The following PROSER3 variants were observed in gnomAD, a reference collection of about 807,000 sequenced individuals.
PROSER3 encodes proline and serine rich 3.
In PROSER3, 33 loss-of-function variants were observed where a neutral mutation model predicts 50.2. The ratio of observed to expected loss-of-function variants is 0.66; its 90% confidence interval spans 0.50 to 0.88. The LOEUF is 0.88. PROSER3 is among the 40% of genes least tolerant of loss of function. The probability of loss-of-function intolerance (pLI) is 0.00; values close to 1 mark genes in which losing one functional copy is unlikely to be tolerated. For missense variants in PROSER3, 623 were observed against 612.7 expected (o/e 1.02, Z -0.18); for synonymous variants, 266 against 259.3 (o/e 1.03, Z -0.25).
At chr19:35,760,497 GTTTTTT>G (rs889206758) in intron 3 of PROSER3, among the ~76,000 whole-genome samples, 2 of 152,028 alleles carry the variant, frequency 1.3e-5, no homozygotes, top group African/African-American at 4.8e-5. Context: ...TTTTGTTTTT[GTTTTTT>G]TGATGGAGTT....
At chr19:35,758,218 G>T (rs1784819724) in exon 1 of PROSER3, 1 of 1,562,256 alleles carries the variant, frequency 6.4e-7, no homozygotes, top group Non-Finnish European at 8.7e-7. Context: ...GCCGCGGGAT[G>T]GACCGCAGGT....
At chr19:35,763,652 T>C (rs1971038096) in intron 5 of PROSER3, among the ~76,000 whole-genome samples, 1 of 151,390 alleles carries the variant, frequency 6.6e-6, no homozygotes, top group Non-Finnish European at 1.5e-5. Flanking sequence ...TACAGGTGCC[T>C]GCCACCACGC....
rs1231786718 is a variant in PROSER3, at chr19:35,764,976, C to G, written c.626+40C>G. 1.9e-6 allele frequency: 3 copies of G among 1,612,706 alleles called. No homozygotes were observed. The Admixed American group carries it at 5.0e-5, about 27-fold the overall frequency. On this transcript the variant is annotated intron_variant, in intron 6 of 10. Coordinates refer to ENST00000396908, the Ensembl canonical transcript of PROSER3. ...GCCCCCATCACCCTTCCTACTGCGGCTCCACGTGGCCCAGGTCTCGAGACC... is the reference window on the plus strand; with the variant it reads ...GCCCCCATCACCCTTCCTACTGCGGGTCCACGTGGCCCAGGTCTCGAGACC...
intron 3 of PROSER3, among the ~76,000 whole-genome samples, chr19:35,760,740 G>C (rs2146565160): frequency 6.6e-6 from 1 of 152,314 alleles, no homozygotes; most frequent in South Asian, 2.1e-4. Context: ...ACCTGCCTCA[G>C]CCTCCCAAAG....
exon 11 of PROSER3, chr19:35,768,647 A>G (rs371618632): frequency 2.2e-5 from 31 of 1,413,644 alleles, no homozygotes; most frequent in African/African-American, 1.5e-4. Flanking sequence ...CCAAGGGGTC[A>G]TGCCAATTTA....
exon 7 of PROSER3, chr19:35,765,075 A>G: frequency 2.5e-6 from 4 of 1,613,832 alleles, no homozygotes; most frequent in Non-Finnish European, 3.4e-6. Flanking sequence ...AGCCCCAGCG[A>G]TGCCAGCACT....
intron 3 of PROSER3, among the ~76,000 whole-genome samples, chr19:35,760,772 C>T (rs986309422): frequency 6.6e-6 from 1 of 152,182 alleles, no homozygotes; most frequent in African/African-American, 2.4e-5. Context: ...CAGGTGTGAG[C>T]CACTGCCAGG....
chr19:35,759,292 T>C, intron 1 of PROSER3, 82 bp from the exon 2 acceptor site: 1 of 1,054,548 alleles, frequency 9.5e-7, no homozygotes, highest in Admixed American at 2.3e-5. Context: ...GGGAATTGTC[T>C]GGTTCTGCCC....
chr19:35,768,075 G>C lies in PROSER3; in HGVS notation c.1219+10G>C. ...CTGCAGGCTGCAGAAGGTGATGCCC[G>C]CGCCCTCCTGGATGTTGGAGGCAGG... On this transcript the variant is annotated intron_variant, in intron 9 of 10. Coordinates refer to ENST00000396908, the Ensembl canonical transcript of PROSER3. The C allele has an allele frequency of 1.3e-6, 2 of 1,584,806 alleles. No homozygotes were observed. The highest frequency in any genetic ancestry group is 2.3e-5 in the East Asian group (1 of 43,186).
chr19:35,765,012 C>T, intron 6 of PROSER3, 22 bp from the exon 7 acceptor site: 1 of 1,613,000 alleles, frequency 6.2e-7, no homozygotes, highest in Non-Finnish European at 8.5e-7. Flanking sequence ...TCCATTGCCT[C>T]ACTCCTGCCT....
At chr19:35,762,201 G>T in intron 4 of PROSER3, 52 bp from the exon 5 acceptor site, 2 of 1,593,484 alleles carry the variant, frequency 1.3e-6, no homozygotes, top group Non-Finnish European at 8.6e-7. Flanking sequence ...GCTGATCAAT[G>T]CCCCCAGCAG....
intron 3 of PROSER3, among the ~76,000 whole-genome samples, chr19:35,760,661 A>AT (rs1201946090): frequency 6.6e-6 from 1 of 151,882 alleles, no homozygotes; most frequent in East Asian, 1.9e-4. Context: ...AATTTTGTGT[A>AT]TTTTTAGTAG....
intron 7 of PROSER3, among the ~76,000 whole-genome samples, chr19:35,765,540 A>G (rs950215085): frequency 4.6e-5 from 7 of 150,628 alleles, no homozygotes; most frequent in African/African-American, 1.7e-4. Flanking sequence ...AGATTGCGCC[A>G]TTGCACTCCA....
intron 7 of PROSER3, 100 bp from the exon 8 acceptor site, chr19:35,766,668 T>A (rs1971150636): frequency 1.3e-6 from 1 of 792,344 alleles, no homozygotes. Flanking sequence ...CCTGTCTGAG[T>A]AACCCCCTGC....
rs199903551 is a variant in PROSER3, at chr19:35,768,251, A to T, written c.1301+15A>T. 8.2e-4 allele frequency: 1,317 copies of T among 1,608,790 alleles called. 10 individuals are homozygous for T. In the African/African-American group the frequency reaches 0.013, roughly 16 times the overall value. On this transcript the variant is annotated intron_variant, in intron 10 of 10. Coordinates refer to ENST00000396908, the Ensembl canonical transcript of PROSER3. ...CGGCAGAAAAGGTGACCGACCCTCC[A>T]TCCCCAGAGTCTATGACACTGGGCC...
chr19:35,770,586 A>G (rs1971298400), downstream of PROSER3, among the ~76,000 whole-genome samples: 1 of 152,150 alleles, frequency 6.6e-6, no homozygotes, highest in Admixed American at 6.6e-5. Flanking sequence ...GTTAGAAAAG[A>G]TGATTTCTCA....
At chr19:35,768,873 A>G (rs951106470) in exon 11 of PROSER3, 1 of 198,280 alleles carries the variant, frequency 5.0e-6, no homozygotes, top group Non-Finnish European at 1.0e-5. Context: ...GGAGGAAGCT[A>G]CTAGGGTCAT....
chr19:35,763,808 C>CTT (rs74172759), intron 5 of PROSER3, among the ~76,000 whole-genome samples: 63 of 130,572 alleles, frequency 4.8e-4, no homozygotes, highest in Middle Eastern at 4.7e-3. Flanking sequence ...GCCCGGCCTT[C>CTT]TTTTTTTTTT....
At position 35,764,710 on chromosome 19, in the gene PROSER3, C is replaced by T. The variant is rs1599753312; in HGVS notation, c.544-144C>T. The T allele has an allele frequency of 1.8e-5, 12 of 653,166 alleles. No individual in the cohort carries two copies. The Middle Eastern group carries it at 2.6e-3, about 142-fold the overall frequency. The allele number at this position is 653,166 out of a possible 1,614,324, so 40.5% of individuals were successfully genotyped here. A position where few individuals can be genotyped will look rare whatever the true frequency, so the allele number is the denominator to read the frequency against. On this transcript the variant is annotated intron_variant, in intron 5 of 10. Coordinates refer to ENST00000396908, the Ensembl canonical transcript of PROSER3. The stretch of plus-strand genomic sequence containing the variant: ...ATCCAAAGGGGAAAACTGGGTCTCT[C>T]CTCCCTGAGGAGGAGGAGCAGATCC...
Sources: gnomAD v4.1 joint callset for allele counts (sites outside exome capture counted in the v4.1 genomes callset) on GRCh38, gnomAD v4.1.1 for gene constraint, MANE v1.5 for transcripts, NCBI Gene and HGNC (gene_info 2026-07-23, HGNC 2026-07-21) for gene names.